TMED5: variants seen among roughly 807,000 people sequenced by gnomAD.
TMED5 encodes the protein transmembrane p24 trafficking protein 5.
In TMED5, 27 loss-of-function variants were observed where a neutral mutation model predicts 23.0. The observed-to-expected ratio is 1.17, with a 90% confidence interval of 0.86 to 1.62. TMED5 has a LOEUF of 1.62. Among genes scored for constraint, TMED5 ranks in the 40% most tolerant of loss-of-function variants. The pLI, the probability that TMED5 is intolerant of heterozygous loss-of-function variation, is 0.00. For missense variants in TMED5, 248 were observed against 273.7 expected (o/e 0.91, Z 0.66); for synonymous variants, 97 against 100.8 (o/e 0.96, Z 0.23).
chr1:93,167,676 AATATAAG>A (rs1156354906), intron 1 of TMED5, among the ~76,000 whole-genome samples: 3 of 152,306 alleles, frequency 2.0e-5, no homozygotes, highest in African/African-American at 7.2e-5. Context: ...GACTTTTCCA[AATATAAG>A]ATATATCATT....
At position 93,174,445 on chromosome 1, in the gene TMED5, T is replaced by A. The variant is rs1301622998; in HGVS notation, c.189+5609A>T. The stretch of plus-strand genomic sequence containing the variant: ...AGTATCACTTGTGCCCAAATTCAAA[T>A]TCAGCCTAGGCAACATAGTGAGACC... On this transcript the variant is annotated intron_variant, in intron 1 of 3. Coordinates refer to ENST00000370282, the MANE Select transcript of TMED5 (RefSeq NM_016040.5). Among the ~76,000 whole-genome samples, 3 of 152,198 alleles carry A rather than the reference T, an allele frequency of 2.0e-5. No individual in the cohort carries two copies. In the South Asian group the frequency reaches 6.2e-4, roughly 31 times the overall value.
intron 1 of TMED5, among the ~76,000 whole-genome samples, chr1:93,178,781 G>A (rs1374521940): frequency 2.0e-5 from 3 of 152,048 alleles, no homozygotes; most frequent in Admixed American, 1.3e-4. Flanking sequence ...AAGTTCCATC[G>A]TATAAAAAAT....
rs1045758587 is a variant in TMED5, at chr1:93,153,222, C to T, written c.*1448G>A. The T allele has an allele frequency of 6.6e-6, 1 of 152,324 alleles. No homozygotes were observed. Among genetic ancestry groups the T allele is most frequent in the Non-Finnish European group, 1.5e-5 (1 of 67,992 alleles). The allele number at this position is 152,324 out of a possible 1,614,324, so 9.4% of individuals were successfully genotyped here. ...TTAAATTACTAGTACTTGAGTAAGACCCCCATAGACTTCAAAAAGCTAGAT... is the reference window on the plus strand; with the variant it reads ...TTAAATTACTAGTACTTGAGTAAGATCCCCATAGACTTCAAAAAGCTAGAT... On this transcript the variant is annotated 3_prime_UTR_variant, in exon 4 of 4. Transcript: ENST00000370282.
chr1:93,164,995 A>AT (rs1648438945), intron 1 of TMED5, among the ~76,000 whole-genome samples: 1 of 152,270 alleles, frequency 6.6e-6, no homozygotes, highest in Admixed American at 6.5e-5. Context: ...AATGCGTTAC[A>AT]GAGAGGCTCA....
chr1:93,175,559 A>G (rs189966375), intron 1 of TMED5, among the ~76,000 whole-genome samples: 2 of 151,834 alleles, frequency 1.3e-5, no homozygotes, highest in African/African-American at 4.8e-5. Flanking sequence ...TATACATGTA[A>G]TATTAGGCAT....
In TMED5 at chr1:93,152,049, G is replaced by C. The variant is rs1054041004; in HGVS notation, c.*2621C>G. The C allele has an allele frequency of 1.3e-5, 2 of 152,580 alleles. No individual in the cohort carries two copies. Among genetic ancestry groups the C allele is most frequent in the Non-Finnish European group, 2.9e-5 (2 of 68,016 alleles). The allele number at this position is 152,580 out of a possible 1,614,324, so 9.5% of individuals were successfully genotyped here. Reference sequence around the variant, plus strand: ...TTTTCATTTGAGGAGACATACAATTGTAAGTGCTCATTTTTTGTCAATTTT... The same window carrying C: ...TTTTCATTTGAGGAGACATACAATTCTAAGTGCTCATTTTTTGTCAATTTT... On this transcript the variant is annotated 3_prime_UTR_variant, in exon 4 of 4. Transcript: ENST00000370282.
At chr1:93,163,468 C>T (rs1173298122) in intron 1 of TMED5, among the ~76,000 whole-genome samples, 1 of 151,450 alleles carries the variant, frequency 6.6e-6, no homozygotes, top group Non-Finnish European at 1.5e-5. Flanking sequence ...CCTCAGTGTC[C>T]TGAGTAGCTG....
Position 93,154,386 on chromosome 1 carries a change from C to G in TMED5, c.*284G>C, listed in dbSNP as rs1456095949. 5.3e-6 allele frequency: 2 copies of G among 374,884 alleles called. No homozygotes were observed. The highest frequency in any genetic ancestry group is 4.2e-5 in the African/African-American group (2 of 47,726). 23.2% of individuals were successfully genotyped at this position (374,884 alleles called of 1,614,324 possible). A position where few individuals can be genotyped will look rare whatever the true frequency, so the allele number is the denominator to read the frequency against. On this transcript the variant is annotated 3_prime_UTR_variant, in exon 4 of 4. Coordinates refer to ENST00000370282, the MANE Select transcript of TMED5 (RefSeq NM_016040.5). ...ACTCATTTATTTAAATCACCTAAGACATTTGCAAAATTTTTCAAAGTTAGG... is the reference window on the plus strand; with the variant it reads ...ACTCATTTATTTAAATCACCTAAGAGATTTGCAAAATTTTTCAAAGTTAGG...
At position 93,153,597 on chromosome 1, in the gene TMED5, T is replaced by C. The variant is rs751365833; in HGVS notation, c.*1073A>G. ...CATGATGAGCCAGTCAGATTCTAGA[T>C]ATTTATTTATAGTTCTACTTAAGTG... On this transcript the variant is annotated 3_prime_UTR_variant, in exon 4 of 4. Transcript: ENST00000370282. The C allele has an allele frequency of 1.3e-5, 2 of 152,154 alleles. No individual in the cohort carries two copies. Among genetic ancestry groups the C allele is most frequent in the Non-Finnish European group, 2.9e-5 (2 of 67,984 alleles). The allele number at this position is 152,154 out of a possible 1,614,324, so 9.4% of individuals were successfully genotyped here. A position where few individuals can be genotyped will look rare whatever the true frequency, so the allele number is the denominator to read the frequency against.
At chr1:93,176,110 T>C (rs979356670) in intron 1 of TMED5, among the ~76,000 whole-genome samples, 4 of 152,208 alleles carry the variant, frequency 2.6e-5, no homozygotes, top group Non-Finnish European at 4.4e-5. Context: ...AAAAGACCCA[T>C]ATCCTTAACA....
intron 1 of TMED5, among the ~76,000 whole-genome samples, chr1:93,169,675 A>G (rs995693016): frequency 6.6e-6 from 1 of 152,132 alleles, no homozygotes; most frequent in Non-Finnish European, 1.5e-5. Context: ...AGGCAAACCA[A>G]GAAAAAAAAG....
chr1:93,172,573 G>A (rs1346880259), intron 1 of TMED5, among the ~76,000 whole-genome samples: 1 of 152,160 alleles, frequency 6.6e-6, no homozygotes, highest in Non-Finnish European at 1.5e-5. Flanking sequence ...GGAGGATCCT[G>A]AGCCCAGGAG....
At chr1:93,176,575 C>T (rs1474294171) in intron 1 of TMED5, among the ~76,000 whole-genome samples, 1 of 151,954 alleles carries the variant, frequency 6.6e-6, no homozygotes, top group Non-Finnish European at 1.5e-5. Context: ...CTCTTGTCAC[C>T]GAGGCTGGAG....
chr1:93,158,063 G>C (rs958281232), intron 2 of TMED5, among the ~76,000 whole-genome samples: 4 of 148,308 alleles, frequency 2.7e-5, no homozygotes, highest in African/African-American at 1.0e-4. Flanking sequence ...GGCGGAGCTT[G>C]CAGTGAGCCG....
At chr1:93,179,832 G>T (rs1180951348) in intron 1 of TMED5, 1 of 522,916 alleles carries the variant, frequency 1.9e-6, no homozygotes, top group Non-Finnish European at 3.3e-6. Flanking sequence ...AGGGGAGAAG[G>T]CGGGTAGTCA....
intron 1 of TMED5, among the ~76,000 whole-genome samples, chr1:93,166,273 A>G (rs937396084): frequency 2.0e-5 from 3 of 152,194 alleles, no homozygotes; most frequent in African/African-American, 7.2e-5. Flanking sequence ...TCTTTTGGGT[A>G]TATACCCAGT....
intron 3 of TMED5, chr1:93,155,965 G>T: frequency 1.4e-6 from 1 of 738,142 alleles, no homozygotes; most frequent in Non-Finnish European, 2.1e-6. Flanking sequence ...TCATATGCCT[G>T]CTGTATAATC....
chr1:93,160,833 C>T (rs1274532503), intron 1 of TMED5: 1 of 149,372 alleles, frequency 6.7e-6, no homozygotes, highest in Admixed American at 6.7e-5. Flanking sequence ...CCCGCCCCCC[C>T]TGCCTCCCCT....
At chr1:93,161,331 G>C (rs973261539) in intron 1 of TMED5, 3 of 152,088 alleles carry the variant, frequency 2.0e-5, no homozygotes, top group African/African-American at 7.2e-5. Flanking sequence ...AAACCAAAGT[G>C]ATACAGCAAA....
Sources: allele counts gnomAD v4.1 joint callset (sites outside exome capture counted in the v4.1 genomes callset), GRCh38; gene constraint gnomAD v4.1.1; transcripts MANE v1.5; gene names NCBI Gene and HGNC (gene_info 2026-07-23, HGNC 2026-07-21).